LRRC7: variants seen among roughly 807,000 people sequenced by gnomAD.
LRRC7 encodes the protein leucine rich repeat containing 7.
Under a neutral mutation model 175.7 loss-of-function variants are expected in LRRC7, and 23 were observed. That is an observed-to-expected ratio of 0.13 (90% confidence interval 0.09 to 0.19). The LOEUF (loss-of-function observed/expected upper bound fraction) is 0.19. Among genes scored for constraint, LRRC7 ranks in the 10% least tolerant of loss-of-function variants. The pLI, the probability that LRRC7 is intolerant of heterozygous loss-of-function variation, is 1.00. For synonymous variants in LRRC7, 685 were observed against 680.9 expected (o/e 1.01, Z -0.09); for missense variants, 1,354 against 1,904.7 (o/e 0.71, Z 5.38).
At chr1:70,038,026 T>C in intron 20 of LRRC7, 87 bp from the exon 21 acceptor site, 11 of 1,472,978 alleles carry the variant, frequency 7.5e-6, no homozygotes, top group Non-Finnish European at 1.0e-5. Flanking sequence ...AAACAAAGGA[T>C]GATGGCCCTC....
intron 8 of LRRC7, among the ~76,000 whole-genome samples, chr1:69,975,522 T>C (rs546221767): frequency 6.6e-6 from 1 of 152,254 alleles, no homozygotes; most frequent in East Asian, 1.9e-4. Flanking sequence ...TCTCCTAGAC[T>C]CAGTTCCCTT....
intron 7 of LRRC7, among the ~76,000 whole-genome samples, chr1:69,872,452 C>T (rs1050039465): frequency 6.6e-6 from 1 of 151,900 alleles, no homozygotes; most frequent in Non-Finnish European, 1.5e-5. Flanking sequence ...GGTGCACAAG[C>T]TGTAAAAGCA....
intron 1 of LRRC7, among the ~76,000 whole-genome samples, chr1:69,647,396 G>C (rs1655156099): frequency 6.6e-6 from 1 of 152,124 alleles, no homozygotes; most frequent in African/African-American, 2.4e-5. Context: ...AACTCAAGTG[G>C]ATGTAAAATG....
chr1:69,660,147 G>T (rs921318999), intron 1 of LRRC7, among the ~76,000 whole-genome samples: 4 of 151,736 alleles, frequency 2.6e-5, no homozygotes, highest in Admixed American at 2.0e-4. Context: ...CTCATGAGGG[G>T]TTCTGCAACT....
intron 7 of LRRC7, among the ~76,000 whole-genome samples, chr1:69,872,564 A>G (rs1685660754): frequency 6.6e-6 from 1 of 152,098 alleles, no homozygotes; most frequent in Admixed American, 6.6e-5. Context: ...TGCTGTATCT[A>G]GAGATGATAA....
chr1:69,859,532 A>G (rs1012105774), intron 7 of LRRC7, among the ~76,000 whole-genome samples: 1 of 152,054 alleles, frequency 6.6e-6, no homozygotes, highest in Non-Finnish European at 1.5e-5. Flanking sequence ...GGTTTTTATT[A>G]TTAGTTGATC....
intron 8 of LRRC7, among the ~76,000 whole-genome samples, chr1:69,937,252 T>C (rs755764488): frequency 6.6e-6 from 1 of 152,138 alleles, no homozygotes; most frequent in Non-Finnish European, 1.5e-5. Flanking sequence ...CTGATTTTAA[T>C]GGGAACACCT....
At chr1:69,667,416 G>A (rs927548648) in intron 1 of LRRC7, among the ~76,000 whole-genome samples, 7 of 152,050 alleles carry the variant, frequency 4.6e-5, no homozygotes, top group Admixed American at 2.0e-4. Flanking sequence ...GAAGTCTCCA[G>A]CTTTTATTGT....
At chr1:70,108,959 G>GT (rs1255211919) in intron 26 of LRRC7, among the ~76,000 whole-genome samples, 2 of 151,950 alleles carry the variant, frequency 1.3e-5, no homozygotes, top group Admixed American at 1.3e-4. Context: ...ATGTTTTTTG[G>GT]TTTTTTTGTT....
intron 2 of LRRC7, among the ~76,000 whole-genome samples, chr1:69,735,781 G>T (rs912558058): frequency 1.3e-5 from 2 of 150,988 alleles, no homozygotes; most frequent in South Asian, 2.1e-4. Flanking sequence ...TTTATTCCTC[G>T]CCCCTTTCTC....
chr1:70,070,285 A>G (rs1246497719), intron 23 of LRRC7, among the ~76,000 whole-genome samples: 2 of 152,082 alleles, frequency 1.3e-5, no homozygotes, highest in African/African-American at 4.8e-5. Flanking sequence ...TTGAGCTACA[A>G]TGCCCGGGAT....
chr1:70,028,226 T>C lies in LRRC7; in HGVS notation c.1850T>C (p.Met617Thr). ...CCTTACCCAGAGGATTTAAAGAATA[T>C]GGTAAAATCTGTTCAAAATTTGGTG... is the stretch of plus-strand genomic sequence containing the variant. ...PTPYPEDLKNMVKSVQNLVGK... is the reference protein window; with the variant it reads ...PTPYPEDLKNTVKSVQNLVGK... Residue 617 changes from methionine (M) to threonine (T), a missense_variant, in exon 18 of 27, where the codon ATG (methionine) becomes ACG (threonine). Physicochemically the swap from Met to Thr is moderately conservative, Grantham distance 81. Around this residue, in one of 4 missense-constraint regions of LRRC7, gnomAD observed 1,032 missense variants for 1,227.2 expected, o/e 0.84. Coordinates refer to ENST00000651989, the MANE Select transcript of LRRC7 (RefSeq NM_001370785.2). The C allele has an allele frequency of 6.2e-7, 1 of 1,613,792 alleles. No individual in the cohort carries two copies. Among genetic ancestry groups the C allele is most frequent in the Non-Finnish European group, 8.5e-7 (1 of 1,179,754 alleles).
At chr1:69,828,973 T>G (rs979579716) in intron 5 of LRRC7, among the ~76,000 whole-genome samples, 4 of 151,972 alleles carry the variant, frequency 2.6e-5, no homozygotes, top group Admixed American at 2.0e-4. Context: ...GATCTTAATT[T>G]GCCTATTCCA....
intron 2 of LRRC7, among the ~76,000 whole-genome samples, chr1:69,687,783 T>C (rs1661371720): frequency 6.6e-6 from 1 of 152,162 alleles, no homozygotes; most frequent in African/African-American, 2.4e-5. Context: ...ATTTTGTGTT[T>C]ATATAACTGA....
chr1:70,046,312 T>C (rs949022668), intron 22 of LRRC7, among the ~76,000 whole-genome samples: 23 of 152,130 alleles, frequency 1.5e-4, no homozygotes, highest in Middle Eastern at 3.2e-3. Flanking sequence ...CCCTAGAGAA[T>C]GGACTCACTA....
chr1:69,996,477 C>G (rs1410806704), intron 11 of LRRC7, among the ~76,000 whole-genome samples: 5 of 151,582 alleles, frequency 3.3e-5, no homozygotes, highest in Non-Finnish European at 7.4e-5. Context: ...CTTGCCCATG[C>G]CTATGTCCTG....
intron 26 of LRRC7, among the ~76,000 whole-genome samples, chr1:70,112,865 G>A (rs952434925): frequency 2.0e-5 from 3 of 152,172 alleles, no homozygotes; most frequent in Non-Finnish European, 4.4e-5. Flanking sequence ...GCAGGGGTAA[G>A]AGGTTTATGC....
At chr1:69,733,532 A>G (rs1181836837) in intron 2 of LRRC7, among the ~76,000 whole-genome samples, 2 of 152,082 alleles carry the variant, frequency 1.3e-5, no homozygotes, top group Admixed American at 1.3e-4. Flanking sequence ...TTTGTTAGCT[A>G]CAAGTGACTG....
rs1305780412 is a variant in LRRC7, at chr1:70,026,879, G to A, written c.1795-1292G>A. Among the ~76,000 whole-genome samples, 8 of 152,210 alleles carry A rather than the reference G, an allele frequency of 5.3e-5. No homozygotes were observed. In the South Asian group the frequency reaches 8.3e-4, roughly 16 times the overall value. On this transcript the variant is annotated intron_variant, in intron 17 of 26. Coordinates refer to ENST00000651989, the MANE Select transcript of LRRC7 (RefSeq NM_001370785.2). ...TGAGCCACAAGGAAGACAAAATGTCGAGAAGAATAACACAGTTGGTGGATT... is the reference window on the plus strand; with the variant it reads ...TGAGCCACAAGGAAGACAAAATGTCAAGAAGAATAACACAGTTGGTGGATT...
Sources: allele counts gnomAD v4.1 joint callset (sites outside exome capture counted in the v4.1 genomes callset), GRCh38; gene constraint gnomAD v4.1.1; regional missense constraint gnomAD v4.1.1; transcripts MANE v1.5; gene names NCBI Gene and HGNC (gene_info 2026-07-23, HGNC 2026-07-21).